Variants in ARHGAP5 observed in about 807,000 individuals in gnomAD.
ARHGAP5 encodes Rho GTPase activating protein 5.
In ARHGAP5, 23 loss-of-function variants were observed where a neutral mutation model predicts 116.6. That is an observed-to-expected ratio of 0.20 (90% CI 0.14 to 0.28). ARHGAP5 has a LOEUF of 0.28. ARHGAP5 is among the 10% of genes least tolerant of loss of function. ARHGAP5 has a pLI of 1.00. For synonymous variants in ARHGAP5, 574 were observed against 602.0 expected, an observed-to-expected ratio of 0.95 and a Z score of 0.68; for missense variants, 1,405 against 1,774.8, an observed-to-expected ratio of 0.79 and a Z score of 3.74.
chr14:32,128,457 C>T (rs1880306488), intron 3 of ARHGAP5, among the ~76,000 whole-genome samples: 1 of 152,400 alleles, frequency 6.6e-6, no homozygotes, highest in South Asian at 2.1e-4. Flanking sequence ...CCATGAGACC[C>T]TGAGAAAGTC....
intron 3 of ARHGAP5, among the ~76,000 whole-genome samples, chr14:32,142,659 T>A (rs1881181067): frequency 6.6e-6 from 1 of 152,204 alleles, no homozygotes; most frequent in Non-Finnish European, 1.5e-5. Context: ...TCTTTCAGAA[T>A]AAGGTTGGTA....
intron 3 of ARHGAP5, among the ~76,000 whole-genome samples, chr14:32,120,852 T>C (rs1324113306): frequency 6.6e-6 from 1 of 152,056 alleles, no homozygotes; most frequent in Non-Finnish European, 1.5e-5. Context: ...GTATGTCCTA[T>C]TTTATATCCT....
intron 3 of ARHGAP5, among the ~76,000 whole-genome samples, chr14:32,142,905 C>T (rs1566682831): frequency 6.6e-6 from 1 of 152,148 alleles, no homozygotes; most frequent in Non-Finnish European, 1.5e-5. Flanking sequence ...TTCTCTTATC[C>T]ACCACTTTTG....
At chr14:32,106,516 G>A (rs1283631040) in intron 2 of ARHGAP5, among the ~76,000 whole-genome samples, 2 of 152,074 alleles carry the variant, frequency 1.3e-5, no homozygotes, top group African/African-American at 4.8e-5. Flanking sequence ...TTTAAATTAG[G>A]TTTCCGTGTT....
intron 3 of ARHGAP5, among the ~76,000 whole-genome samples, chr14:32,136,404 A>G (rs1412783603): frequency 6.6e-6 from 1 of 152,136 alleles, no homozygotes; most frequent in East Asian, 1.9e-4. Flanking sequence ...TTCATTTAGC[A>G]TATTATTTAG....
chr14:32,146,179 G>A lies in ARHGAP5; in HGVS notation c.3866-84G>A, dbSNP rs1881369595. ...TCCCACCTTGGCCTCCCAGAGTGCT[G>A]GGATTACAAACATGAGCCACTGTGC... On this transcript the variant is annotated intron_variant, in intron 3 of 6. Transcript: ENST00000345122. 24 of 1,033,414 alleles carry A rather than the reference G, an allele frequency of 2.3e-5. No homozygotes were observed. The South Asian group carries it at 3.4e-4, about 14-fold the overall frequency. 64.0% of individuals were successfully genotyped at this position (1,033,414 alleles called of 1,614,324 possible). A position where few individuals can be genotyped will look rare whatever the true frequency, so the allele number is the denominator to read the frequency against.
chr14:32,128,392 C>T (rs1594377341), intron 3 of ARHGAP5, among the ~76,000 whole-genome samples: 1 of 152,260 alleles, frequency 6.6e-6, no homozygotes, highest in Admixed American at 6.5e-5. Flanking sequence ...ATGGGCTGGG[C>T]TCCCAAACAG....
chr14:32,093,108 T>C lies in ARHGAP5; in HGVS notation c.2439T>C (p.Asn813=). The C allele has an allele frequency of 6.2e-7, 1 of 1,613,972 alleles. No homozygotes were observed. Among genetic ancestry groups the C allele is most frequent in the African/African-American group, 1.3e-5 (1 of 75,024 alleles). Residue 813 remains asparagine, a synonymous_variant, in exon 2 of 7, where the codon AAT becomes AAC. Transcript: ENST00000345122. The stretch of plus-strand genomic sequence containing the variant: ...GCAGTGCTGCTCAAGCTGGACAGAA[T>C]AATTCCCTAATGCTTGATAAAATCA... ...HSCSAAQAGQ[N]NSLMLDKIIG...
At chr14:32,148,878 A>G (rs1247688959) in intron 4 of ARHGAP5, among the ~76,000 whole-genome samples, 3 of 152,164 alleles carry the variant, frequency 2.0e-5, no homozygotes, top group African/African-American at 4.8e-5. Context: ...ATACACCTTT[A>G]GTATGTTCCA....
chr14:32,154,759 A>G lies in ARHGAP5; in HGVS notation c.4320A>G (p.Thr1440=). 1 of 1,614,186 alleles carries G rather than the reference A, an allele frequency of 6.2e-7. No individual in the cohort carries two copies. The highest frequency in any genetic ancestry group is 8.5e-7 in the Non-Finnish European group (1 of 1,180,014). The change falls in exon 7 of 7, where the codon ACA becomes ACG. Residue 1440 remains threonine, a synonymous_variant. Coordinates refer to ENST00000345122, the MANE Select transcript of ARHGAP5 (RefSeq NM_001030055.2). ...AGATTCATCAATCTGTTGTTGAAAC[A>G]TTCATTCAGCAGTGTCAGTTTTTCT... ...TTKIHQSVVE[T]FIQQCQFFFY... is the part of the protein sequence containing the mutation.
rs377119197 is a variant in ARHGAP5 at position 32,142,824 on chromosome 14, T to C, written c.3866-3439T>C. Among the ~76,000 whole-genome samples, 6 of 152,182 alleles carry C rather than the reference T, an allele frequency of 3.9e-5. No homozygotes were observed. In the East Asian group the frequency reaches 7.7e-4, roughly 20 times the overall value. On this transcript the variant is annotated intron_variant, in intron 3 of 6. Transcript: ENST00000345122. ...TGTAATTTTTTAATAGATTACAGAG[T>C]TCTGCAAACGTTGATTCTGACCCTT...
At chr14:32,120,388 T>C (rs926754979) in intron 3 of ARHGAP5, among the ~76,000 whole-genome samples, 3 of 151,926 alleles carry the variant, frequency 2.0e-5, no homozygotes, top group African/African-American at 4.8e-5. Context: ...TTTCCTTTTT[T>C]TTTCCATTTT....
In ARHGAP5 at chr14:32,077,392, G is replaced by A. The variant is rs781703303; in HGVS notation, c.-212G>A. 29 of 703,018 alleles carry A rather than the reference G, an allele frequency of 4.1e-5. No homozygotes were observed. The highest frequency in any genetic ancestry group is 6.5e-5 in the Non-Finnish European group (25 of 385,630). 43.5% of individuals were successfully genotyped at this position (703,018 alleles called of 1,614,324 possible). A position where few individuals can be genotyped will look rare whatever the true frequency, so the allele number is the denominator to read the frequency against. ...TGTCGCTGCCGCCGCCACCGCCGGG[G>A]CCGCTGCCGTTGAGGAGGAGACGGA... On this transcript the variant is annotated 5_prime_UTR_variant, in exon 1 of 7. Coordinates refer to ENST00000345122, the MANE Select transcript of ARHGAP5 (RefSeq NM_001030055.2).
At chr14:32,139,253 C>T (rs1448894710) in intron 3 of ARHGAP5, among the ~76,000 whole-genome samples, 2 of 151,938 alleles carry the variant, frequency 1.3e-5, no homozygotes, top group African/African-American at 4.8e-5. Context: ...AAGTGTTTCT[C>T]TTTGTTTTTT....
At chr14:32,136,247 C>T (rs1880788973) in intron 3 of ARHGAP5, among the ~76,000 whole-genome samples, 1 of 152,138 alleles carries the variant, frequency 6.6e-6, no homozygotes, top group Non-Finnish European at 1.5e-5. Flanking sequence ...TTTAATTGCT[C>T]CAAAAGGAGA....
At chr14:32,136,258 T>A (rs1468168281) in intron 3 of ARHGAP5, among the ~76,000 whole-genome samples, 1 of 152,206 alleles carries the variant, frequency 6.6e-6, no homozygotes, top group East Asian at 1.9e-4. Context: ...CAAAAGGAGA[T>A]CCTGTGCCCA....
In ARHGAP5 at chr14:32,155,313, A is replaced by G. The variant is rs1881846489; in HGVS notation, c.*365A>G. ...AAAAACTCACCTATATGAAACATTT[A>G]ATGCTTTTCAGCCTGCTTTCTGGCT... On this transcript the variant is annotated 3_prime_UTR_variant, in exon 7 of 7. Coordinates refer to ENST00000345122, the MANE Select transcript of ARHGAP5 (RefSeq NM_001030055.2). The G allele has an allele frequency of 6.2e-6, 1 of 161,330 alleles. No homozygotes were observed. The highest frequency in any genetic ancestry group is 1.4e-5 in the Non-Finnish European group (1 of 73,418). 10.0% of individuals were successfully genotyped at this position (161,330 alleles called of 1,614,324 possible).
intron 2 of ARHGAP5, among the ~76,000 whole-genome samples, chr14:32,116,146 G>T (rs1209323332): frequency 1.3e-5 from 2 of 151,032 alleles, no homozygotes; most frequent in East Asian, 2.0e-4. Flanking sequence ...AATTAGCTGG[G>T]CGTGGTGGCG....
intron 1 of ARHGAP5, among the ~76,000 whole-genome samples, chr14:32,088,952 C>T (rs914236622): frequency 3.3e-5 from 5 of 151,812 alleles, no homozygotes; most frequent in South Asian, 2.1e-4. Flanking sequence ...TGATAGGAGT[C>T]GGATTTTGAA....
Sources: allele counts gnomAD v4.1 joint callset (sites outside exome capture counted in the v4.1 genomes callset), GRCh38; gene constraint gnomAD v4.1.1; transcripts MANE v1.5; gene names NCBI Gene and HGNC (gene_info 2026-07-23, HGNC 2026-07-21).